Variants in NRTN observed in about 807,000 individuals in gnomAD.
NRTN encodes the protein neurturin, also known as prepro-neurturin.
NRTN carries 3 observed loss-of-function variants against 7.5 expected under a neutral mutation model. The observed-to-expected ratio is 0.40, with a 90% CI of 0.18 to 1.03. NRTN has a LOEUF of 1.03. Among genes scored for constraint, NRTN ranks in the 50% least tolerant of loss-of-function variants. The pLI, the probability that NRTN is intolerant of heterozygous loss-of-function variation, is 0.34. For synonymous variants in NRTN, 157 were observed against 146.6 expected (o/e 1.07, Z -0.51); for missense variants, 310 against 307.0 (o/e 1.01, Z -0.07).
In NRTN at chr19:5,818,339, C is replaced by CAGTGTGTG. The variant is rs1041999987; in HGVS notation, c.-398-5412_-398-5405dup. Among the ~76,000 whole-genome samples, 3 of 151,966 alleles carry CAGTGTGTG rather than the reference C, an allele frequency of 2.0e-5. No individual in the cohort carries two copies. The East Asian group carries it at 5.8e-4, about 29-fold the overall frequency. Reference sequence around the variant, plus strand: ...GCATGTGAGTGTGATCGTGTGTGGGCAGTGTGTGAGTGTGTGAGTGTGTGT... The same window carrying CAGTGTGTG: ...GCATGTGAGTGTGATCGTGTGTGGGCAGTGTGTGAGTGTGTGAGTGTGTGAGTGTGTGT... On this transcript the variant is annotated intron_variant, in intron 1 of 2. Coordinates refer to ENST00000303212, the MANE Select transcript of NRTN (RefSeq NM_004558.5).
At chr19:5,809,836 C>T (rs113395648) in intron 1 of NRTN, among the ~76,000 whole-genome samples, 6 of 152,322 alleles carry the variant, frequency 3.9e-5, no homozygotes, top group African/African-American at 1.4e-4. Context: ...GCCCCTCTCT[C>T]ACCTCTCCTC....
At chr19:5,824,627 C>A (rs2057038965) in intron 2 of NRTN, among the ~76,000 whole-genome samples, 1 of 152,034 alleles carries the variant, frequency 6.6e-6, no homozygotes, top group Non-Finnish European at 1.5e-5. Flanking sequence ...CAAAAAACTT[C>A]AGAAATTAGC....
intron 1 of NRTN, among the ~76,000 whole-genome samples, chr19:5,815,389 TCAC>T (rs1052636424): frequency 1.8e-4 from 28 of 152,072 alleles, no homozygotes; most frequent in South Asian, 1.0e-3. Flanking sequence ...ATATAACGTT[TCAC>T]CACAAGTGTG....
rs754536978 is a variant in NRTN at position 5,828,006 on chromosome 19, C to T, written c.427C>T (p.Leu143Phe). Reference protein sequence around the residue: ...ACEAAARVYDLGLRRLRQRRR... With the variant: ...ACEAAARVYDFGLRRLRQRRR... The stretch of plus-strand genomic sequence containing the variant: ...CGAGGCTGCCGCGCGCGTCTACGAC[C>T]TCGGGCTGCGACGACTGCGCCAGCG... The change falls in exon 3 of 3, where the codon CTC becomes TTC. Residue 143 changes from leucine to phenylalanine, a missense_variant. By Grantham distance (22) the Leu-to-Phe change is conservative. Transcript: ENST00000303212. 6.9e-7 allele frequency: 1 copy of T among 1,450,376 alleles called. No individual in the cohort carries two copies. The highest frequency in any genetic ancestry group is 2.7e-5 in the Admixed American group (1 of 37,472). The allele number at this position is 1,450,376 out of a possible 1,614,324, so 89.8% of individuals were successfully genotyped here.
At position 5,811,841 on chromosome 19, in the gene NRTN, G is replaced by A. The variant is rs182692719; in HGVS notation, c.-399+6390G>A. 4.0e-5 allele frequency among the ~76,000 whole-genome samples: 6 copies of A among 150,398 alleles called. No homozygotes were observed. In the East Asian group the frequency reaches 5.9e-4, roughly 15 times the overall value. ...GCTGGGATTACAGCTGTGAGCCACCGCACCCGGCCCAGTTATTATTATTAT... is the reference window on the plus strand; with the variant it reads ...GCTGGGATTACAGCTGTGAGCCACCACACCCGGCCCAGTTATTATTATTAT... On this transcript the variant is annotated intron_variant, in intron 1 of 2. Coordinates refer to ENST00000303212, the MANE Select transcript of NRTN (RefSeq NM_004558.5).
At chr19:5,825,291 G>T (rs1214343409) in intron 2 of NRTN, among the ~76,000 whole-genome samples, 2 of 152,136 alleles carry the variant, frequency 1.3e-5, no homozygotes, top group Non-Finnish European at 2.9e-5. Context: ...GGGTGAGGGT[G>T]GTGCGTGGGC....
At chr19:5,811,924 C>T (rs971958496) in intron 1 of NRTN, among the ~76,000 whole-genome samples, 4 of 151,376 alleles carry the variant, frequency 2.6e-5, no homozygotes, top group Non-Finnish European at 5.9e-5. Context: ...GGCTGGAGTA[C>T]AGTGGCGCGA....
In NRTN at chr19:5,805,176, C is replaced by CCCCCGCG. The variant is rs888614221; in HGVS notation, c.-663_-657dup. ...CGAGGCCGCCTGCGCCGTCCGTGCG[C>CCCCCGCG]CCCCGCGCCCCGCGCCCTCTGAGCC... On this transcript the variant is annotated 5_prime_UTR_variant, in exon 1 of 3. Transcript: ENST00000303212. Among the ~76,000 whole-genome samples the CCCCCGCG allele has an allele frequency of 3.5e-3, 506 of 146,628 alleles. 3 individuals are homozygous for CCCCCGCG. Among genetic ancestry groups the CCCCCGCG allele is most frequent in the Non-Finnish European group, 5.7e-3 (373 of 65,886 alleles).
At chr19:5,818,752 C>T (rs565444787) in intron 1 of NRTN, among the ~76,000 whole-genome samples, 2 of 152,120 alleles carry the variant, frequency 1.3e-5, no homozygotes, top group East Asian at 1.9e-4. Context: ...CCGTGCCCTC[C>T]GCCACACCCA....
intron 1 of NRTN, among the ~76,000 whole-genome samples, chr19:5,808,999 C>A (rs2144755359): frequency 6.6e-6 from 1 of 152,048 alleles, no homozygotes; most frequent in South Asian, 2.1e-4. Flanking sequence ...TCATGATCCT[C>A]CCGCCTCGGC....
At chr19:5,822,288 G>A (rs1036166955) in intron 1 of NRTN, among the ~76,000 whole-genome samples, 6 of 152,144 alleles carry the variant, frequency 3.9e-5, no homozygotes, top group Admixed American at 2.6e-4. Flanking sequence ...TTTGGGGGGC[G>A]CCTGGGAACC....
At chr19:5,813,925 T>C (rs2056997768) in intron 1 of NRTN, among the ~76,000 whole-genome samples, 1 of 152,018 alleles carries the variant, frequency 6.6e-6, no homozygotes, top group South Asian at 2.1e-4. Context: ...GGAGAATGGC[T>C]TGAACCTGAG....
At chr19:5,816,044 C>T (rs540355330) in intron 1 of NRTN, among the ~76,000 whole-genome samples, 13 of 152,052 alleles carry the variant, frequency 8.5e-5, no homozygotes, top group South Asian at 6.2e-4. Flanking sequence ...TGTGCCTGGC[C>T]GATGGTGTCT....
At position 5,806,669 on chromosome 19, in the gene NRTN, G is replaced by C. The variant is rs535080711; in HGVS notation, c.-399+1218G>C. Among the ~76,000 whole-genome samples the C allele has an allele frequency of 4.6e-5, 7 of 152,110 alleles. No individual in the cohort carries two copies. In the South Asian group the frequency reaches 6.2e-4, roughly 14 times the overall value. ...TAAGACTCCCGAGGTTCATAGCTCC[G>C]GCACCGACTCCACCCCCAGGGAGCT... On this transcript the variant is annotated intron_variant, in intron 1 of 2. Transcript: ENST00000303212. This position sits in a 1 kb window ranked among gnomAD's most constrained non-coding sequence, Gnocchi z 5.4.
At chr19:5,810,265 C>CAA (rs756539290) in intron 1 of NRTN, among the ~76,000 whole-genome samples, 21,866 of 89,290 alleles carry the variant, frequency 0.24, 2,284 homozygotes, top group Middle Eastern at 0.36. Flanking sequence ...GACTCTGTCT[C>CAA]AAAAAAAAAA....
rs1486962807 is a variant in NRTN at position 5,806,648 on chromosome 19, ACTCCCGAGGTTCATAG to A, written c.-399+1202_-399+1217del. ...CCCTCCCTCCTCCCTTCATCCTAAG[ACTCCCGAGGTTCATAG>A]CTCCGGCACCGACTCCACCCCCAGG... On this transcript the variant is annotated intron_variant, in intron 1 of 2. Coordinates refer to ENST00000303212, the MANE Select transcript of NRTN (RefSeq NM_004558.5). The surrounding 1 kb of genome is among the most constrained non-coding windows in gnomAD (Gnocchi z 5.4). Among the ~76,000 whole-genome samples, 1 of 151,302 alleles carries A rather than the reference ACTCCCGAGGTTCATAG, an allele frequency of 6.6e-6. No individual in the cohort carries two copies. The highest frequency in any genetic ancestry group is 1.5e-5 in the Non-Finnish European group (1 of 67,878).
At position 5,827,764 on chromosome 19, in the gene NRTN, AG is replaced by A. The variant is rs1483419884; in HGVS notation, c.190del (p.Ala64ProfsTer10). 2.6e-6 allele frequency: 3 copies of A among 1,162,702 alleles called. No homozygotes were observed. The highest frequency in any genetic ancestry group is 3.9e-5 in the South Asian group (1 of 25,594). 72.0% of individuals were successfully genotyped at this position (1,162,702 alleles called of 1,614,324 possible). The stretch of plus-strand genomic sequence containing the variant: ...CCCCTCGCAGACCGTGCACTCCTGC[AG>A]GGGGCCCCGGATGCGATGGAGCTGC... The part of the protein sequence containing the change: ...ARLAQYRALL[Q>X]GAPDAMELRE... On this transcript the variant is annotated frameshift_variant, in exon 3 of 3. Coordinates refer to ENST00000303212, the MANE Select transcript of NRTN (RefSeq NM_004558.5). LOFTEE classifies it low-confidence loss of function (END_TRUNC).
At chr19:5,824,543 G>A (rs2057038643) in intron 2 of NRTN, among the ~76,000 whole-genome samples, 1 of 152,312 alleles carries the variant, frequency 6.6e-6, no homozygotes. Flanking sequence ...ACTTTGGGAG[G>A]CTGAGACAGG....
chr19:5,825,232 G>A (rs1487415175), intron 2 of NRTN, among the ~76,000 whole-genome samples: 1 of 152,074 alleles, frequency 6.6e-6, no homozygotes, highest in African/African-American at 2.4e-5. Context: ...CAAGACCCTC[G>A]CCCAACTCCC....
Sources: allele counts gnomAD v4.1 joint callset (sites outside exome capture counted in the v4.1 genomes callset), GRCh38; gene constraint gnomAD v4.1.1; non-coding constraint Gnocchi (gnomAD v3.1); transcripts MANE v1.5; gene names NCBI Gene and HGNC (gene_info 2026-07-23, HGNC 2026-07-21).